Variants in STAMBPL1 observed in about 807,000 individuals in gnomAD.
STAMBPL1 encodes AMSH-like protease.
In STAMBPL1, 44 loss-of-function variants were observed where a neutral mutation model predicts 52.9. That is an observed-to-expected ratio of 0.83 (90% CI 0.65 to 1.07). The LOEUF (loss-of-function observed/expected upper bound fraction) is 1.07, where lower values mean the gene tolerates loss of function less well. Among genes scored for constraint, STAMBPL1 ranks in the 50% least tolerant of loss-of-function variants. The pLI is 0.00. For missense variants in STAMBPL1, 511 were observed against 520.8 expected (o/e 0.98, Z 0.18); for synonymous variants, 164 against 177.3 (o/e 0.92, Z 0.60).
At chr10:88,906,525 A>G (rs1409469636) in intron 3 of STAMBPL1, among the ~76,000 whole-genome samples, 2 of 152,326 alleles carry the variant, frequency 1.3e-5, no homozygotes, top group East Asian at 3.9e-4. Flanking sequence ...AATTATATGT[A>G]TTTGTGGTAT....
Position 88,913,471 on chromosome 10 carries a change from A to G in STAMBPL1, c.778+13A>G. ...AGTGCTGTTCAGAGTAAGTGATGAA[A>G]TGCACCCATGTGAGACACTGAGCCT... On this transcript the variant is annotated intron_variant, in intron 6 of 10. Coordinates refer to ENST00000371926, the MANE Select transcript of STAMBPL1 (RefSeq NM_020799.4). 1 of 1,596,764 alleles carries G rather than the reference A, an allele frequency of 6.3e-7. No individual in the cohort carries two copies. Among genetic ancestry groups the G allele is most frequent in the South Asian group, 1.1e-5 (1 of 88,924 alleles).
At chr10:88,896,061 C>A (rs772905805) in intron 1 of STAMBPL1, among the ~76,000 whole-genome samples, 11 of 152,214 alleles carry the variant, frequency 7.2e-5, no homozygotes, top group South Asian at 6.2e-4. Flanking sequence ...AAGCACCTGG[C>A]ACCTAGTAAA....
At chr10:88,881,756 G>A (rs753933608) in intron 1 of STAMBPL1, among the ~76,000 whole-genome samples, 2 of 152,116 alleles carry the variant, frequency 1.3e-5, no homozygotes, top group Non-Finnish European at 2.9e-5. Context: ...TTTTTATCCC[G>A]ACCTTGTTTC....
chr10:88,881,471 TTC>T (rs1297192145), intron 1 of STAMBPL1, among the ~76,000 whole-genome samples: 5 of 152,056 alleles, frequency 3.3e-5, no homozygotes, highest in African/African-American at 1.2e-4. Flanking sequence ...AAAGACAGCT[TTC>T]AAAGTAAGCC....
intron 2 of STAMBPL1, among the ~76,000 whole-genome samples, chr10:88,904,279 G>A (rs2133172253): frequency 6.6e-6 from 1 of 152,296 alleles, no homozygotes; most frequent in South Asian, 2.1e-4. Context: ...AGTACCTCTG[G>A]AAAGATGGAT....
At chr10:88,919,242 G>A (rs553648509) in intron 8 of STAMBPL1, among the ~76,000 whole-genome samples, 1 of 152,124 alleles carries the variant, frequency 6.6e-6, no homozygotes, top group African/African-American at 2.4e-5. Flanking sequence ...TGCAAAATGG[G>A]GATTATAATA....
chr10:88,904,012 T>C (rs1004424408), intron 2 of STAMBPL1, among the ~76,000 whole-genome samples: 21 of 152,224 alleles, frequency 1.4e-4, no homozygotes, highest in African/African-American at 4.8e-4. Flanking sequence ...TCTAATTCAC[T>C]ATACCCTGTC....
chr10:88,907,482 A>G (rs1187295093), intron 3 of STAMBPL1, among the ~76,000 whole-genome samples: 2 of 152,206 alleles, frequency 1.3e-5, no homozygotes, highest in Non-Finnish European at 2.9e-5. Flanking sequence ...AATTAATAAT[A>G]TTTCTTTTTC....
At chr10:88,894,275 A>G (rs1012215663) in intron 1 of STAMBPL1, among the ~76,000 whole-genome samples, 6 of 151,996 alleles carry the variant, frequency 3.9e-5, no homozygotes, top group Non-Finnish European at 7.4e-5. Flanking sequence ...ACTACCTCCT[A>G]TTGGAGAAGG....
intron 3 of STAMBPL1, among the ~76,000 whole-genome samples, chr10:88,906,994 T>C (rs1845091139): frequency 6.6e-6 from 1 of 152,202 alleles, no homozygotes; most frequent in South Asian, 2.1e-4. Context: ...ACTGAAATTT[T>C]GTATCCTTTG....
At chr10:88,908,841 C>A in intron 4 of STAMBPL1, 64 bp downstream of exon 4, 1 of 1,237,474 alleles carries the variant, frequency 8.1e-7, no homozygotes, top group Non-Finnish European at 1.1e-6. Context: ...TATTGATTCA[C>A]CCTTCCCCTT....
chr10:88,913,572 G>A (rs1845286311), intron 6 of STAMBPL1, 114 bp downstream of exon 6: 1 of 839,154 alleles, frequency 1.2e-6, no homozygotes, highest in Non-Finnish European at 1.9e-6. Flanking sequence ...TAGGACCCCT[G>A]CATAATATGG....
intron 8 of STAMBPL1, among the ~76,000 whole-genome samples, chr10:88,917,631 G>GT (rs1845403590): frequency 6.6e-6 from 1 of 152,138 alleles, no homozygotes; most frequent in Non-Finnish European, 1.5e-5. Context: ...TCAGAAAATT[G>GT]TAACTGTTAT....
At chr10:88,919,643 A>G (rs1023739305) in intron 8 of STAMBPL1, among the ~76,000 whole-genome samples, 18 of 152,180 alleles carry the variant, frequency 1.2e-4, no homozygotes, top group Admixed American at 9.8e-4. Flanking sequence ...TTGTAAGATA[A>G]CAGGCTGTCA....
chr10:88,905,661 G>T lies in STAMBPL1; in HGVS notation c.248+1G>T. Reference sequence around the variant, plus strand: ...TTGTTCTTTATAATAAATTTATAACGTAAGTGTTTTAAAGGCCTCTGAAGT... The same window carrying T: ...TTGTTCTTTATAATAAATTTATAACTTAAGTGTTTTAAAGGCCTCTGAAGT... On this transcript the variant is annotated splice_donor_variant, in intron 3 of 10. Transcript: ENST00000371926. LOFTEE classifies it high-confidence loss of function. 3.1e-6 allele frequency: 5 copies of T among 1,611,204 alleles called. No individual in the cohort carries two copies. The highest frequency in any genetic ancestry group is 4.2e-6 in the Non-Finnish European group (5 of 1,177,946).
intron 7 of STAMBPL1, among the ~76,000 whole-genome samples, chr10:88,915,021 T>C (rs181994947): frequency 1.1e-4 from 16 of 152,312 alleles, no homozygotes; most frequent in Admixed American, 3.3e-4. Flanking sequence ...ATTCATATAA[T>C]TAACTTCATC....
chr10:88,910,869 G>C, intron 4 of STAMBPL1, 47 bp from the exon 5 acceptor site: 1 of 1,333,824 alleles, frequency 7.5e-7, no homozygotes, highest in Non-Finnish European at 1.0e-6. Context: ...ATCTGAAAGA[G>C]TGTATTGAAA....
intron 5 of STAMBPL1, 120 bp downstream of exon 5, chr10:88,911,131 C>T (rs1845213042): frequency 1.6e-6 from 1 of 613,854 alleles, no homozygotes; most frequent in Non-Finnish European, 2.6e-6. Flanking sequence ...ATTAAAGATG[C>T]AGTGATATGG....
intron 7 of STAMBPL1, among the ~76,000 whole-genome samples, chr10:88,916,300 C>A (rs1011456171): frequency 6.6e-6 from 1 of 151,782 alleles, no homozygotes; most frequent in African/African-American, 2.4e-5. Context: ...TCTCCCCCTC[C>A]AAATAAATCT....
Sources: gnomAD v4.1 joint callset for allele counts (sites outside exome capture counted in the v4.1 genomes callset) on GRCh38, gnomAD v4.1.1 for gene constraint, MANE v1.5 for transcripts, NCBI Gene and HGNC (gene_info 2026-07-23, HGNC 2026-07-21) for gene names.